Variants in UNC13C observed in about 807,000 individuals in gnomAD.
UNC13C encodes unc-13 homolog C, also known as protein unc-13 homolog C.
Under a neutral mutation model 245.4 loss-of-function variants are expected in UNC13C, and 174 were observed. The ratio of observed to expected loss-of-function variants is 0.71; its 90% CI spans 0.63 to 0.80. UNC13C has a LOEUF of 0.80. Among genes scored for constraint, UNC13C ranks in the 30% least tolerant of loss-of-function variants. The pLI, the probability that UNC13C is intolerant of heterozygous loss-of-function variation, is 0.00. For missense variants in UNC13C, 2,829 were observed against 2,602.9 expected (o/e 1.09, Z -1.89); for synonymous variants, 992 against 895.1 (o/e 1.11, Z -1.93).
At chr15:54,340,953 C>A (rs1273507090) in intron 17 of UNC13C, among the ~76,000 whole-genome samples, 1 of 152,022 alleles carries the variant, frequency 6.6e-6, no homozygotes, top group Non-Finnish European at 1.5e-5. Context: ...CATCAAAAAA[C>A]AATACATGCT....
intron 4 of UNC13C, among the ~76,000 whole-genome samples, chr15:54,231,955 C>G (rs1037588975): frequency 1.3e-5 from 2 of 152,002 alleles, no homozygotes; most frequent in Non-Finnish European, 1.5e-5. Flanking sequence ...GTTTGTGTTA[C>G]TTAATCTCTC....
chr15:54,170,001 TTTTTTTTA>T (rs2033331192), intron 4 of UNC13C, among the ~76,000 whole-genome samples: 1 of 73,830 alleles, frequency 1.4e-5, no homozygotes, highest in African/African-American at 4.6e-5. Flanking sequence ...TCTTTTTTTT[TTTTTTTTA>T]AACATCGCTA....
At chr15:53,968,910 T>C in the UNC13C span, among the ~76,000 whole-genome samples, 3 of 152,132 alleles carry the variant, frequency 2.0e-5, no homozygotes, top group Non-Finnish European at 4.4e-5. Context: ...CAACTGTTGT[T>C]CTAGAGAGGG....
chr15:54,017,761 A>G (rs1407128170), intron 2 of UNC13C, among the ~76,000 whole-genome samples: 2 of 152,186 alleles, frequency 1.3e-5, no homozygotes, highest in Non-Finnish European at 2.9e-5. Flanking sequence ...CTTGGAATAC[A>G]CACATGCTCT....
At chr15:54,326,394 G>A (rs1417668350) in intron 14 of UNC13C, among the ~76,000 whole-genome samples, 2 of 152,072 alleles carry the variant, frequency 1.3e-5, no homozygotes, top group Non-Finnish European at 2.9e-5. Flanking sequence ...CACTATAAAT[G>A]TGTTGTCACA....
chr15:54,359,739 C>A lies in UNC13C; in HGVS notation c.4713+21250C>A, dbSNP rs1022446401. Among the ~76,000 whole-genome samples, 4 of 151,792 alleles carry A rather than the reference C, an allele frequency of 2.6e-5. No individual in the cohort carries two copies. The East Asian group carries it at 7.7e-4, about 29-fold the overall frequency. On this transcript the variant is annotated intron_variant, in intron 17 of 32. Coordinates refer to ENST00000260323, the MANE Select transcript of UNC13C (RefSeq NM_001080534.3). ...CTAATTATGCTTATTTGAGTCTTCT[C>A]TCTTTTGTACTTACACTAACTAAAG...
In UNC13C at chr15:54,567,989, C is replaced by T. The variant is rs765037714; in HGVS notation, c.6106+42C>T. On this transcript the variant is annotated intron_variant, in intron 30 of 32. Transcript: ENST00000260323. ...ACCTGAGAATAAGGTAAACTGAATA[C>T]TAAAATAAAATTTAACATCAGAATT... The T allele has an allele frequency of 9.5e-6, 13 of 1,365,202 alleles. No individual in the cohort carries two copies. In the African/African-American group the frequency reaches 1.3e-4, roughly 14 times the overall value. 84.6% of individuals were successfully genotyped at this position (1,365,202 alleles called of 1,614,324 possible). A position where few individuals can be genotyped will look rare whatever the true frequency, so the allele number is the denominator to read the frequency against.
At chr15:54,129,916 T>TG (rs1555420649) in intron 2 of UNC13C, among the ~76,000 whole-genome samples, 54,849 of 100,278 alleles carry the variant, frequency 0.55, 10,145 homozygotes, top group Middle Eastern at 0.61. Flanking sequence ...GTTTATAATG[T>TG]GTTTTTTTTT....
At chr15:54,486,369 G>A (rs1893409384) in intron 19 of UNC13C, among the ~76,000 whole-genome samples, 1 of 151,212 alleles carries the variant, frequency 6.6e-6, no homozygotes. Flanking sequence ...CCCCCAGGAG[G>A]TGGAGGCTGC....
chr15:53,997,082 A>C (rs556940540), intron 1 of UNC13C, among the ~76,000 whole-genome samples: 2 of 152,152 alleles, frequency 1.3e-5, no homozygotes, highest in East Asian at 3.8e-4. Context: ...TGGTGTAACC[A>C]GTCTTTAGAA....
At chr15:53,851,254 T>A in the UNC13C span, among the ~76,000 whole-genome samples, 4 of 152,106 alleles carry the variant, frequency 2.6e-5, no homozygotes, top group Non-Finnish European at 5.9e-5. Flanking sequence ...TTTCTGAATG[T>A]TTAGATTTTG....
At chr15:54,127,339 A>G (rs1380031949) in intron 2 of UNC13C, among the ~76,000 whole-genome samples, 1 of 152,172 alleles carries the variant, frequency 6.6e-6, no homozygotes, top group Non-Finnish European at 1.5e-5. Context: ...GATAAAGAAA[A>G]TGTGACACAT....
chr15:54,119,804 A>T (rs552507934), intron 2 of UNC13C, among the ~76,000 whole-genome samples: 1 of 152,210 alleles, frequency 6.6e-6, no homozygotes, highest in Non-Finnish European at 1.5e-5. Context: ...TATTGCTCAT[A>T]TAAAGAAAGT....
intron 17 of UNC13C, among the ~76,000 whole-genome samples, chr15:54,347,099 A>G (rs182897886): frequency 3.3e-5 from 5 of 152,288 alleles, no homozygotes; most frequent in African/African-American, 2.4e-5. Flanking sequence ...GCTAGCATGA[A>G]CACATCCATT....
chr15:54,101,296 T>C (rs1043608068), intron 2 of UNC13C, among the ~76,000 whole-genome samples: 3 of 152,160 alleles, frequency 2.0e-5, no homozygotes, highest in Non-Finnish European at 2.9e-5. Context: ...CTATTACTAT[T>C]TTTACTGCCG....
intron 1 of UNC13C, among the ~76,000 whole-genome samples, chr15:53,990,780 C>T (rs942070088): frequency 6.6e-6 from 1 of 151,978 alleles, no homozygotes; most frequent in Admixed American, 6.6e-5. Flanking sequence ...CTCCTTGTCC[C>T]TATCATGTAA....
intron 2 of UNC13C, among the ~76,000 whole-genome samples, chr15:54,096,968 A>G (rs952760357): frequency 3.3e-5 from 5 of 152,170 alleles, no homozygotes; most frequent in African/African-American, 9.6e-5. Flanking sequence ...TTTGAATGCA[A>G]TTCTCTGCAA....
intron 24 of UNC13C, among the ~76,000 whole-genome samples, chr15:54,524,402 AAGTT>A (rs571685349): frequency 8.0e-4 from 122 of 152,338 alleles, no homozygotes; most frequent in Middle Eastern, 3.4e-3. Flanking sequence ...CCAATCCTGA[AAGTT>A]AGGCGGACTT....
the UNC13C span, among the ~76,000 whole-genome samples, chr15:53,881,174 G>T: frequency 1.3e-5 from 2 of 152,094 alleles, no homozygotes; most frequent in East Asian, 3.9e-4. Context: ...AAATCTAATT[G>T]GTTTTGTTTC....
Sources: gnomAD v4.1 joint callset for allele counts (sites outside exome capture counted in the v4.1 genomes callset) on GRCh38, gnomAD v4.1.1 for gene constraint, MANE v1.5 for transcripts, NCBI Gene and HGNC (gene_info 2026-07-23, HGNC 2026-07-21) for gene names.